Variants in CHST1 observed in about 807,000 individuals in gnomAD.
CHST1 encodes carbohydrate sulfotransferase 1.
A neutral mutation model predicts 22.5 loss-of-function variants in CHST1; 10 were observed. The observed-to-expected ratio is 0.44, with a 90% CI of 0.27 to 0.75. The LOEUF (loss-of-function observed/expected upper bound fraction) is 0.75. CHST1 is among the 30% of genes least tolerant of loss of function. The pLI, the probability that CHST1 is intolerant of heterozygous loss-of-function variation, is 0.15. For missense variants in CHST1, 439 were observed against 576.1 expected (o/e 0.76, Z 2.44); for synonymous variants, 267 against 264.5 (o/e 1.01, Z -0.09).
At chr11:45,656,902 G>A (rs45525032) in intron 1 of CHST1, among the ~76,000 whole-genome samples, 5,998 of 152,220 alleles carry the variant, frequency 0.039, 412 homozygotes, top group African/African-American at 0.14. Flanking sequence ...GATTTCAGAG[G>A]GGGCCTGTGG....
intron 1 of CHST1, among the ~76,000 whole-genome samples, chr11:45,663,538 C>T (rs370948461): frequency 2.6e-5 from 4 of 152,132 alleles, no homozygotes; most frequent in Admixed American, 6.5e-5. Flanking sequence ...AGGGAAAATG[C>T]GTTTCTGCTT....
chr11:45,651,145 G>A (rs1039056023), intron 3 of CHST1, 180 bp from the exon 4 acceptor site: 7 of 434,462 alleles, frequency 1.6e-5, no homozygotes, highest in South Asian at 7.9e-5. Context: ...GGGACTCCTG[G>A]GAGCTTTGGG....
chr11:45,657,850 T>C (rs1219524722), intron 1 of CHST1, among the ~76,000 whole-genome samples: 2 of 152,086 alleles, frequency 1.3e-5, no homozygotes, highest in African/African-American at 4.8e-5. Context: ...TTGCGAACAA[T>C]CCCTAGAATC....
rs753820223 is a variant in CHST1 at position 45,650,345 on chromosome 11, C to A, written c.579G>T (p.Ala193=). ...GGCTGCGCTCGCGGCACGCCTCGGC[C>A]GCCACGGTCAGGTTGAGTAGCCCGC... The part of the protein sequence containing the change: ...RKCGLLNLTV[A]AEACRERSHV... Residue 193 remains alanine (A), a synonymous_variant, in exon 4 of 4, where the codon GCG becomes GCT. Transcript: ENST00000308064. 35 of 1,603,340 alleles carry A rather than the reference C, an allele frequency of 2.2e-5. No individual in the cohort carries two copies. The highest frequency in any genetic ancestry group is 2.6e-5 in the Non-Finnish European group (31 of 1,179,724).
intron 1 of CHST1, among the ~76,000 whole-genome samples, chr11:45,662,587 T>C (rs887576788): frequency 6.6e-6 from 1 of 152,230 alleles, no homozygotes; most frequent in Non-Finnish European, 1.5e-5. Flanking sequence ...TTGGGGAGTT[T>C]CTTCCAATGT....
intron 1 of CHST1, among the ~76,000 whole-genome samples, chr11:45,656,054 C>T (rs372547369): frequency 6.6e-6 from 1 of 152,228 alleles, no homozygotes; most frequent in Non-Finnish European, 1.5e-5. Context: ...TAGAACCTAG[C>T]GGTGCTGCCT....
intron 2 of CHST1, 57 bp downstream of exon 2, chr11:45,652,464 T>A (rs954883580): frequency 6.6e-6 from 1 of 152,186 alleles, no homozygotes; most frequent in African/African-American, 2.4e-5. Context: ...ATTCAACTTG[T>A]GCAGCGATTC....
intron 1 of CHST1, among the ~76,000 whole-genome samples, chr11:45,653,598 A>G (rs1852026003): frequency 6.6e-6 from 1 of 152,210 alleles, no homozygotes; most frequent in Admixed American, 6.5e-5. Context: ...TTCAAGAAAC[A>G]GACAGGGAAT....
rs1014489253 is a variant in CHST1 at position 45,649,633 on chromosome 11, C to G, written c.*55G>C. 2.0e-6 allele frequency: 3 copies of G among 1,494,404 alleles called. No individual in the cohort carries two copies. The highest frequency in any genetic ancestry group is 2.7e-6 in the Non-Finnish European group (3 of 1,127,026). The allele number at this position is 1,494,404 out of a possible 1,614,324, so 92.6% of individuals were successfully genotyped here. A position where few individuals can be genotyped will look rare whatever the true frequency, so the allele number is the denominator to read the frequency against. On this transcript the variant is annotated 3_prime_UTR_variant, in exon 4 of 4. Transcript: ENST00000308064. Reference sequence around the variant, plus strand: ...TAATAAGGCAACAGTTAAAAACGGTCCATTTTATCAAAACCGACACCTTGC... The same window carrying G: ...TAATAAGGCAACAGTTAAAAACGGTGCATTTTATCAAAACCGACACCTTGC...
intron 1 of CHST1, among the ~76,000 whole-genome samples, chr11:45,661,321 C>T (rs1282358214): frequency 1.3e-5 from 2 of 152,210 alleles, no homozygotes; most frequent in African/African-American, 4.8e-5. Flanking sequence ...AGCATTGGGT[C>T]AGATCTTATC....
intron 1 of CHST1, among the ~76,000 whole-genome samples, chr11:45,661,453 C>A (rs1411473845): frequency 6.6e-6 from 1 of 152,328 alleles, no homozygotes; most frequent in East Asian, 1.9e-4. Flanking sequence ...TCCAGAGAGA[C>A]CTGCCGGGGG....
In CHST1 at chr11:45,650,638, C is replaced by A. The variant is rs145528990; in HGVS notation, c.286G>T (p.Val96Phe). The change falls in exon 4 of 4, where the codon GTC becomes TTC. Residue 96 changes from valine to phenylalanine, a missense_variant. Val to Phe is a conservative substitution (Grantham distance 50). Transcript: ENST00000308064. ...AAGCGGGGGATGAGCGTGTTCTGGA[C>A]GTGGTAGAGGGGCTCAAACAGGTAG... ...VFYLFEPLYH[V>F]QNTLIPRFTQ... 1 of 1,613,974 alleles carries A rather than the reference C, an allele frequency of 6.2e-7. No homozygotes were observed. The highest frequency in any genetic ancestry group is 1.3e-5 in the African/African-American group (1 of 74,944).
In CHST1 at chr11:45,650,419, G is replaced by T; in HGVS notation, c.505C>A (p.Pro169Thr). ...VLCSRPVCDPPGPADLVLEEG... is the reference protein window; with the variant it reads ...VLCSRPVCDPTGPADLVLEEG... ...TCCAGGACCAGGTCGGCTGGCCCCG[G>T]AGGGTCGCACACAGGCCGGGAGCAG... The change falls in exon 4 of 4, where the codon CCG becomes ACG. Residue 169 changes from proline to threonine, a missense_variant. Transcript: ENST00000308064. 1 of 1,607,950 alleles carries T rather than the reference G, an allele frequency of 6.2e-7. No homozygotes were observed. The highest frequency in any genetic ancestry group is 1.1e-5 in the South Asian group (1 of 91,034).
At chr11:45,661,709 G>A (rs538430497) in intron 1 of CHST1, among the ~76,000 whole-genome samples, 77 of 152,370 alleles carry the variant, frequency 5.1e-4, no homozygotes, top group East Asian at 9.7e-4. Context: ...AGCTGGTTGT[G>A]ATGGGCATGG....
chr11:45,654,184 C>T (rs1484067744), intron 1 of CHST1, among the ~76,000 whole-genome samples: 2 of 152,170 alleles, frequency 1.3e-5, no homozygotes, highest in African/African-American at 2.4e-5. Flanking sequence ...GGGAGGGGGC[C>T]GTTTAAGTTT....
chr11:45,651,268 T>A (rs1851996010), intron 3 of CHST1: 1 of 203,442 alleles, frequency 4.9e-6, no homozygotes, highest in Non-Finnish European at 9.8e-6. Flanking sequence ...AGAGCCTGAC[T>A]CCCCCTACTC....
At chr11:45,651,083 C>T (rs1021061059) in intron 3 of CHST1, 118 bp from the exon 4 acceptor site, 1 of 666,802 alleles carries the variant, frequency 1.5e-6, no homozygotes. Context: ...CCAGTGCTCA[C>T]CACACACCCT....
intron 1 of CHST1, among the ~76,000 whole-genome samples, chr11:45,662,629 A>C (rs1565001494): frequency 1.3e-5 from 2 of 152,166 alleles, no homozygotes. Flanking sequence ...GATGCTTTGG[A>C]ACACTTACTA....
chr11:45,650,217 G>A lies in CHST1; in HGVS notation c.707C>T (p.Pro236Leu). 3 of 1,610,418 alleles carry A rather than the reference G, an allele frequency of 1.9e-6. No individual in the cohort carries two copies. The highest frequency in any genetic ancestry group is 2.5e-6 in the Non-Finnish European group (3 of 1,179,942). ...GCTGCGCGAAGCCAGAATGCCGCGG[G>A]GGTCTCGGACCAGCTGGATGACCTT... ...NLKVIQLVRD[P>L]RGILASRSET... Residue 236 changes from proline to leucine, a missense_variant, in exon 4 of 4, where the codon CCC becomes CTC. By Grantham distance (98) the Pro-to-Leu change is moderately conservative (BLOSUM62 -3). Coordinates refer to ENST00000308064, the MANE Select transcript of CHST1 (RefSeq NM_003654.6).
Sources: allele counts gnomAD v4.1 joint callset (sites outside exome capture counted in the v4.1 genomes callset), GRCh38; gene constraint gnomAD v4.1.1; transcripts MANE v1.5; gene names NCBI Gene and HGNC (gene_info 2026-07-23, HGNC 2026-07-21).